Variants in CRCP observed in about 807,000 individuals in gnomAD.
The protein encoded by CRCP is DNA-directed RNA polymerase III subunit RPC9.
CRCP carries 18 observed loss-of-function variants against 18.5 expected under a neutral mutation model. The ratio of observed to expected loss-of-function variants is 0.97; its 90% confidence interval spans 0.67 to 1.44. The LOEUF is 1.44. CRCP is among the 40% of genes most tolerant of loss of function. The pLI, the probability that CRCP is intolerant of heterozygous loss-of-function variation, is 0.00. For synonymous variants in CRCP, 53 were observed against 62.9 expected (o/e 0.84, Z 0.75); for missense variants, 130 against 176.4 (o/e 0.74, Z 1.49).
intron 2 of CRCP, among the ~76,000 whole-genome samples, chr7:66,129,763 G>A (rs1284905196): frequency 5.3e-5 from 8 of 152,118 alleles, no homozygotes. Context: ...TTTATCCATT[G>A]GGGAAACATT....
intron 3 of CRCP, among the ~76,000 whole-genome samples, chr7:66,131,838 G>T (rs1194495557): frequency 1.3e-5 from 2 of 151,522 alleles, no homozygotes; most frequent in African/African-American, 4.9e-5. Flanking sequence ...CGCAACCTCG[G>T]CTCACCTCTG....
chr7:66,133,287 C>CTTTCG (rs1787864144), intron 3 of CRCP, among the ~76,000 whole-genome samples: 1 of 152,008 alleles, frequency 6.6e-6, no homozygotes, highest in Non-Finnish European at 1.5e-5. Context: ...GGGTGGATCA[C>CTTTCG]GAGGTCAGGA....
rs1562766668 is a variant in CRCP, at chr7:66,134,475, A to G, written c.239+101A>G. The G allele has an allele frequency of 4.7e-6, 4 of 845,666 alleles. No homozygotes were observed. In the Admixed American group the frequency reaches 9.3e-5, roughly 20 times the overall value. 52.4% of individuals were successfully genotyped at this position (845,666 alleles called of 1,614,324 possible). On this transcript the variant is annotated intron_variant, in intron 4 of 5. Coordinates refer to ENST00000395326, the MANE Select transcript of CRCP (RefSeq NM_014478.5). The stretch of plus-strand genomic sequence containing the variant: ...TTGATATTCGGCTGGGTTTGGATTT[A>G]AAGAAGGATTATAGTATTGGAGATG...
intron 4 of CRCP, among the ~76,000 whole-genome samples, chr7:66,136,923 CA>C (rs1787987218): frequency 6.6e-6 from 1 of 151,390 alleles, no homozygotes; most frequent in South Asian, 2.1e-4. Context: ...ACTAAAAATA[CA>C]AAAAATTAGC....
intron 5 of CRCP, among the ~76,000 whole-genome samples, chr7:66,146,243 T>A (rs1164210539): frequency 6.6e-6 from 1 of 152,080 alleles, no homozygotes; most frequent in Non-Finnish European, 1.5e-5. Context: ...ACTTGTGAAG[T>A]CCGCTTTGTA....
At chr7:66,131,943 T>A (rs1461278790) in intron 3 of CRCP, among the ~76,000 whole-genome samples, 1 of 152,066 alleles carries the variant, frequency 6.6e-6, no homozygotes, top group East Asian at 1.9e-4. Context: ...GTATTTTTAG[T>A]AGAGACAGGG....
intron 1 of CRCP, among the ~76,000 whole-genome samples, chr7:66,123,010 A>G (rs1468480471): frequency 6.9e-6 from 1 of 145,760 alleles, no homozygotes; most frequent in African/African-American, 2.6e-5. Context: ...GCTGGAGTGC[A>G]GTAGCCCCAT....
At chr7:66,122,951 CTTTCT>C (rs776215252) in intron 1 of CRCP, among the ~76,000 whole-genome samples, 12,766 of 124,824 alleles carry the variant, frequency 0.1, 457 homozygotes, top group South Asian at 0.18. Flanking sequence ...TTCTTTCTTT[CTTTCT>C]TTTTTTTTTT....
chr7:66,142,901 TA>T (rs1327981809), intron 4 of CRCP, among the ~76,000 whole-genome samples: 1 of 152,358 alleles, frequency 6.6e-6, no homozygotes, highest in East Asian at 1.9e-4. Flanking sequence ...TGGTTTCATG[TA>T]ACTCCTTGCA....
intron 2 of CRCP, among the ~76,000 whole-genome samples, chr7:66,130,517 A>C (rs1318453236): frequency 6.6e-6 from 1 of 152,180 alleles, no homozygotes; most frequent in East Asian, 1.9e-4. Flanking sequence ...GAAATATTTT[A>C]AGTAAATTAA....
Position 66,127,720 on chromosome 7 carries a change from G to T in CRCP, c.25G>T (p.Ala9Ser). 4 of 1,614,142 alleles carry T rather than the reference G, an allele frequency of 2.5e-6. No homozygotes were observed. Among genetic ancestry groups the T allele is most frequent in the Non-Finnish European group, 3.4e-6 (4 of 1,180,018 alleles). Residue 9 changes from alanine (A) to serine (S), a missense_variant, in exon 2 of 6, where the codon GCG becomes TCG. Physicochemically the swap from Ala to Ser is moderately conservative, Grantham distance 99 (BLOSUM62 1). Transcript: ENST00000395326. MEVKDANS[A>S]LLSNYEVFQL... ...CTTTTTCAGGAAGGATGCCAATTCTGCGCTTCTCAGTAACTACGAGGTAAA... is the reference window on the plus strand; with the variant it reads ...CTTTTTCAGGAAGGATGCCAATTCTTCGCTTCTCAGTAACTACGAGGTAAA...
chr7:66,132,309 A>G lies in CRCP; in HGVS notation c.144+1467A>G, dbSNP rs147243210. On this transcript the variant is annotated intron_variant, in intron 3 of 5. Coordinates refer to ENST00000395326, the MANE Select transcript of CRCP (RefSeq NM_014478.5). ...TGTATTTAGTTAACATGTCCCCATA[A>G]TGTCATTCAATCTATATCCTTACTC... 2.6e-5 allele frequency among the ~76,000 whole-genome samples: 4 copies of G among 152,186 alleles called. No homozygotes were observed. The South Asian group carries it at 6.2e-4, about 24-fold the overall frequency.
intron 1 of CRCP, among the ~76,000 whole-genome samples, chr7:66,119,314 A>G (rs976636236): frequency 6.2e-4 from 94 of 152,326 alleles, no homozygotes; most frequent in African/African-American, 2.1e-3. Context: ...CCCCCTCTCT[A>G]TCCCTCACCC....
At chr7:66,145,257 G>A (rs907487991) in intron 4 of CRCP, among the ~76,000 whole-genome samples, 186 bp from the exon 5 acceptor site, 60 of 152,142 alleles carry the variant, frequency 3.9e-4, no homozygotes, top group African/African-American at 1.3e-3. Context: ...CATTCGTACC[G>A]TGGGCTGGGA....
At chr7:66,124,470 CTTTTCTT>C (rs969769799) in intron 1 of CRCP, among the ~76,000 whole-genome samples, 5 of 152,036 alleles carry the variant, frequency 3.3e-5, no homozygotes, top group East Asian at 3.9e-4. Flanking sequence ...TCCTTTTTCT[CTTTTCTT>C]TTTTCTTTTC....
At chr7:66,131,732 GA>G (rs1334125179) in intron 3 of CRCP, among the ~76,000 whole-genome samples, 1 of 148,974 alleles carries the variant, frequency 6.7e-6, no homozygotes, top group Non-Finnish European at 1.5e-5. Context: ...GCAAATCAAA[GA>G]AAAAAAAGAA....
intron 1 of CRCP, 134 bp downstream of exon 1, chr7:66,115,104 G>A: frequency 7.6e-7 from 1 of 1,313,290 alleles, no homozygotes; most frequent in Non-Finnish European, 1.0e-6. Context: ...CCCTGTCCGG[G>A]AGGGCCGCGG....
At chr7:66,147,411 TTGTC>T (rs1218150360) in intron 5 of CRCP, among the ~76,000 whole-genome samples, 4 of 151,796 alleles carry the variant, frequency 2.6e-5, no homozygotes, top group Non-Finnish European at 5.9e-5. Flanking sequence ...GTGCCTGTGA[TTGTC>T]TGTCACTTCG....
intron 4 of CRCP, among the ~76,000 whole-genome samples, chr7:66,139,727 T>C (rs1473471711): frequency 6.6e-6 from 1 of 152,226 alleles, no homozygotes. Context: ...GCGGTGGAAC[T>C]TGCTCCCTTC....
Sources: allele counts gnomAD v4.1 joint callset (sites outside exome capture counted in the v4.1 genomes callset), GRCh38; gene constraint gnomAD v4.1.1; transcripts MANE v1.5; gene names NCBI Gene and HGNC (gene_info 2026-07-23, HGNC 2026-07-21).